ASTL: variants seen among roughly 807,000 people sequenced by gnomAD.
The protein encoded by ASTL is astacin like metalloendopeptidase.
Under a neutral mutation model 36.7 loss-of-function variants are expected in ASTL, and 27 were observed. The ratio of observed to expected loss-of-function variants is 0.73; its 90% CI spans 0.54 to 1.01. ASTL has a LOEUF of 1.01. Among genes scored for constraint, ASTL ranks in the 50% least tolerant of loss-of-function variants. The pLI is 0.00. For synonymous variants in ASTL, 222 were observed against 228.1 expected (o/e 0.97, Z 0.24); for missense variants, 524 against 572.8 (o/e 0.91, Z 0.87).
At chr2:96,129,019 GAC>G (rs1682115381) in intron 8 of ASTL, among the ~76,000 whole-genome samples, 1 of 150,566 alleles carries the variant, frequency 6.6e-6, no homozygotes, top group South Asian at 2.1e-4. Flanking sequence ...CAGCCTGGGT[GAC>G]AGAGTGAGAC....
intron 3 of ASTL, 138 bp from the exon 4 acceptor site, chr2:96,134,196 T>C (rs1573915643): frequency 1.0e-5 from 7 of 675,182 alleles, no homozygotes; most frequent in African/African-American, 1.8e-5. Flanking sequence ...GGGGGACCAT[T>C]AGAGATGGGA....
Position 96,135,500 on chromosome 2 carries a change from C to A in ASTL, c.182-88G>T. 2.6e-6 allele frequency: 3 copies of A among 1,162,736 alleles called. No individual in the cohort carries two copies. The South Asian group carries it at 4.0e-5, about 16-fold the overall frequency. 72.0% of individuals were successfully genotyped at this position (1,162,736 alleles called of 1,614,324 possible). On this transcript the variant is annotated intron_variant, in intron 2 of 8. Coordinates refer to ENST00000342380, the MANE Select transcript of ASTL (RefSeq NM_001002036.4). The stretch of plus-strand genomic sequence containing the variant: ...CAAGCAAATCCCTACTTACTTAAGT[C>A]TATTCTTGTGTCTTTCCTAGTGGAT...
intron 2 of ASTL, among the ~76,000 whole-genome samples, chr2:96,137,052 C>T (rs1682314897): frequency 1.3e-5 from 2 of 152,214 alleles, no homozygotes; most frequent in Admixed American, 1.3e-4. Context: ...ACTGTGTTAG[C>T]CAGGATGGTC....
intron 8 of ASTL, among the ~76,000 whole-genome samples, chr2:96,125,175 C>A (rs1393535824): frequency 6.6e-6 from 1 of 152,184 alleles, no homozygotes; most frequent in Non-Finnish European, 1.5e-5. Context: ...GCAGTCACCC[C>A]TCGGAGGTAG....
chr2:96,130,680 G>A (rs1327727526), intron 6 of ASTL, among the ~76,000 whole-genome samples: 1 of 152,064 alleles, frequency 6.6e-6, no homozygotes, highest in African/African-American at 2.4e-5. Context: ...GGCCTTCAGA[G>A]GGATTGCTCC....
intron 3 of ASTL, 76 bp from the exon 4 acceptor site, chr2:96,134,134 A>C: frequency 1.1e-6 from 1 of 941,432 alleles, no homozygotes; most frequent in African/African-American, 1.6e-5. Flanking sequence ...ACCACACCCC[A>C]GGGCACCAGA....
chr2:96,124,881 C>A lies in ASTL; in HGVS notation c.875-610G>T, dbSNP rs1682034864. Among the ~76,000 whole-genome samples, 1 of 152,194 alleles carries A rather than the reference C, an allele frequency of 6.6e-6. No homozygotes were observed. The highest frequency in any genetic ancestry group is 1.5e-5 in the Non-Finnish European group (1 of 68,028). On this transcript the variant is annotated intron_variant, in intron 8 of 8. Transcript: ENST00000342380. This position sits in a 1 kb window ranked among gnomAD's most constrained non-coding sequence, Gnocchi z 4.1. The stretch of plus-strand genomic sequence containing the variant: ...GCGAGGGCTTCACCAGGAGCCTCTT[C>A]CCTCAGCTGACCCTGACCAAATCCT...
chr2:96,128,910 C>T (rs1179684812), intron 8 of ASTL, among the ~76,000 whole-genome samples: 2 of 152,072 alleles, frequency 1.3e-5, no homozygotes, highest in Non-Finnish European at 2.9e-5. Context: ...TGTGGTGGCA[C>T]GCACCTGTAA....
chr2:96,129,777 C>CA (rs1232886504), intron 8 of ASTL, 47 bp downstream of exon 8: 1 of 1,502,268 alleles, frequency 6.7e-7, no homozygotes. Context: ...CATTAGAGCA[C>CA]AGGCGCCTTC....
rs760331210 is a variant in ASTL at position 96,129,908 on chromosome 2, G to T, written c.790C>A (p.Arg264=). ...LWAPSVHIGQ[R]WNLSASDITR... ...ATGTCCGAGGCACTCAGGTTCCATCGCTGGCCGATGTGGACACTGGGGGCC... is the reference window on the plus strand; with the variant it reads ...ATGTCCGAGGCACTCAGGTTCCATCTCTGGCCGATGTGGACACTGGGGGCC... Residue 264 remains arginine, a synonymous_variant, in exon 8 of 9, where the codon CGA becomes AGA. Transcript: ENST00000342380. The T allele has an allele frequency of 2.5e-6, 4 of 1,605,988 alleles. No individual in the cohort carries two copies. Among genetic ancestry groups the T allele is most frequent in the Non-Finnish European group, 3.4e-6 (4 of 1,174,248 alleles).
rs1250157752 is a variant in ASTL at position 96,124,688 on chromosome 2, T to C, written c.875-417A>G. On this transcript the variant is annotated intron_variant, in intron 8 of 8. Coordinates refer to ENST00000342380, the MANE Select transcript of ASTL (RefSeq NM_001002036.4). The surrounding 1 kb of genome is among the most constrained non-coding windows in gnomAD (Gnocchi z 4.1). ...GCACTTAATGGCCACATCTAAACCCTGCACCGTGCCAGGAGGTAGGTTGGG... is the reference window on the plus strand; with the variant it reads ...GCACTTAATGGCCACATCTAAACCCCGCACCGTGCCAGGAGGTAGGTTGGG... Among the ~76,000 whole-genome samples the C allele has an allele frequency of 1.3e-5, 2 of 152,156 alleles. No individual in the cohort carries two copies. The highest frequency in any genetic ancestry group is 2.9e-5 in the Non-Finnish European group (2 of 68,022).
intron 4 of ASTL, 145 bp downstream of exon 4, chr2:96,133,820 C>T: frequency 1.5e-6 from 1 of 689,308 alleles, no homozygotes. Context: ...AGACCTTCAG[C>T]AACAGAAGGG....
chr2:96,129,204 A>AT (rs1339250515), intron 8 of ASTL, among the ~76,000 whole-genome samples: 2 of 152,106 alleles, frequency 1.3e-5, no homozygotes, highest in South Asian at 2.1e-4. Context: ...ATAAAGGTTC[A>AT]TTTTTCCTCA....
At chr2:96,131,201 A>G (rs1280711257) in intron 6 of ASTL, among the ~76,000 whole-genome samples, 2 of 152,076 alleles carry the variant, frequency 1.3e-5, no homozygotes, top group African/African-American at 2.4e-5. Flanking sequence ...GACATGCTCA[A>G]TTTGTTCTGT....
intron 1 of ASTL, 183 bp from the exon 2 acceptor site, chr2:96,137,883 G>A: frequency 1.7e-6 from 1 of 597,838 alleles, no homozygotes; most frequent in Non-Finnish European, 2.9e-6. Flanking sequence ...TGGTGCCAAG[G>A]TCTAGATGAC....
intron 8 of ASTL, among the ~76,000 whole-genome samples, chr2:96,127,712 C>T (rs1682092186): frequency 6.6e-6 from 1 of 151,960 alleles, no homozygotes; most frequent in Non-Finnish European, 1.5e-5. Flanking sequence ...GTAGGTGGGA[C>T]CACAGGTGCA....
intron 8 of ASTL, among the ~76,000 whole-genome samples, chr2:96,129,477 G>A (rs568488002): frequency 3.9e-5 from 6 of 152,126 alleles, no homozygotes; most frequent in African/African-American, 9.6e-5. Context: ...GCTCTACCTC[G>A]GTGCCCAGGA....
rs746228775 is a variant in ASTL at position 96,132,523 on chromosome 2, C to G, written c.637+17G>C. The G allele has an allele frequency of 6.3e-7, 1 of 1,578,908 alleles. No homozygotes were observed. The highest frequency in any genetic ancestry group is 2.3e-5 in the East Asian group (1 of 44,094). On this transcript the variant is annotated intron_variant, in intron 6 of 8. Transcript: ENST00000342380. The surrounding 1 kb of genome is among the most constrained non-coding windows in gnomAD (Gnocchi z 5.4). Reference sequence around the variant, plus strand: ...CCCTCCCCGGCACCAGCCTGTCCTGCGTGTGGCCTGGCTCACCTGGCAGGA... The same window carrying G: ...CCCTCCCCGGCACCAGCCTGTCCTGGGTGTGGCCTGGCTCACCTGGCAGGA...
At chr2:96,126,923 C>CAA (rs1682076662) in intron 8 of ASTL, among the ~76,000 whole-genome samples, 2 of 151,936 alleles carry the variant, frequency 1.3e-5, no homozygotes, top group Non-Finnish European at 2.9e-5. Flanking sequence ...CCATTCCTAG[C>CAA]TGTATACCCA....
Sources: allele counts gnomAD v4.1 joint callset (sites outside exome capture counted in the v4.1 genomes callset), GRCh38; gene constraint gnomAD v4.1.1; non-coding constraint Gnocchi (gnomAD v3.1); transcripts MANE v1.5; gene names NCBI Gene and HGNC (gene_info 2026-07-23, HGNC 2026-07-21).